KCNE1: variants seen among roughly 807,000 people sequenced by gnomAD.
KCNE1 encodes potassium voltage-gated channel subfamily E member 1.
A neutral mutation model predicts 2.9 loss-of-function variants in KCNE1; 1 was observed. The ratio of observed to expected loss-of-function variants is 0.34; its 90% CI spans 0.12 to 1.62. The LOEUF is 1.62. KCNE1 is among the 40% of genes most tolerant of loss of function. The pLI is 0.36. For synonymous variants in KCNE1, 23 were observed against 65.4 expected (o/e 0.35, Z 3.13); for missense variants, 45 against 150.5 (o/e 0.30, Z 3.67).
intron 2 of KCNE1, among the ~76,000 whole-genome samples, chr21:34,499,685 G>A (rs754481444): frequency 6.6e-6 from 1 of 152,208 alleles, no homozygotes; most frequent in African/African-American, 2.4e-5. Context: ...TCCTTCTCCT[G>A]TAATCTGGAT....
intron 2 of KCNE1, among the ~76,000 whole-genome samples, chr21:34,504,292 A>AAACCT (rs1276239428): frequency 1.3e-5 from 2 of 152,222 alleles, no homozygotes; most frequent in Non-Finnish European, 2.9e-5. Context: ...CTCTCAAACC[A>AAACCT]AACCTAATAG....
At position 34,511,189 on chromosome 21, in the gene KCNE1, T is replaced by G. The variant is rs1357674373; in HGVS notation, c.-250A>C. 5 of 985,646 alleles carry G rather than the reference T, an allele frequency of 5.1e-6. No homozygotes were observed. Among genetic ancestry groups the G allele is most frequent in the Non-Finnish European group, 6.0e-6 (5 of 830,196 alleles). The allele number at this position is 985,646 out of a possible 1,614,324, so 61.1% of individuals were successfully genotyped here. ...CTTCTCTTCAGGTGGTCTTAGGAAC[T>G]TCTCAGAACTTTTTGAGTTATCCTT... On this transcript the variant is annotated 5_prime_UTR_variant, in exon 2 of 4. Transcript: ENST00000399286.
chr21:34,495,460 A>G (rs1470888650), intron 2 of KCNE1, among the ~76,000 whole-genome samples: 1 of 48,260 alleles, frequency 2.1e-5, no homozygotes, highest in Non-Finnish European at 4.1e-5. Context: ...ATTGGTACCA[A>G]TTCTTTGAAT....
At chr21:34,507,141 G>A (rs1983541927) in intron 2 of KCNE1, among the ~76,000 whole-genome samples, 1 of 152,226 alleles carries the variant, frequency 6.6e-6, no homozygotes, top group South Asian at 2.1e-4. Flanking sequence ...CGCTCTGACA[G>A]TAGCGTAGAG....
intron 2 of KCNE1, among the ~76,000 whole-genome samples, chr21:34,508,341 A>G (rs1342013906): frequency 1.3e-5 from 2 of 150,318 alleles, no homozygotes; most frequent in African/African-American, 2.5e-5. Context: ...TTTATATTTT[A>G]TTTTATTTAT....
intron 2 of KCNE1, among the ~76,000 whole-genome samples, chr21:34,503,319 G>A (rs1436515406): frequency 6.6e-6 from 1 of 152,170 alleles, no homozygotes; most frequent in East Asian, 1.9e-4. Flanking sequence ...CAGCTGAAAG[G>A]GAGGCACAGG....
At position 34,449,085 on chromosome 21, in the gene KCNE1, T is replaced by C. The variant is rs191019553; in HGVS notation, c.*160A>G. 1.2e-4 allele frequency: 51 copies of C among 429,694 alleles called. 9 individuals are homozygous for C. Among genetic ancestry groups the C allele is most frequent in the African/African-American group, 1.0e-3 (47 of 45,458 alleles). The allele number at this position is 429,694 out of a possible 1,614,324, so 26.6% of individuals were successfully genotyped here. On this transcript the variant is annotated 3_prime_UTR_variant, in exon 4 of 4. Coordinates refer to ENST00000399286, the MANE Select transcript of KCNE1 (RefSeq NM_000219.6). ...AGTCTATCACAAAAGAACGTGATTT[T>C]AGAGAAACAGTGAAACAGTGTCATT...
chr21:34,501,952 AGGTGGGCTTTGAACTT>A (rs1983194979), intron 2 of KCNE1, among the ~76,000 whole-genome samples: 1 of 152,228 alleles, frequency 6.6e-6, no homozygotes, highest in South Asian at 2.1e-4. Context: ...CTAGACTCCA[AGGTGGGCTTTGAACTT>A]GGTGTTGTCA....
intron 2 of KCNE1, among the ~76,000 whole-genome samples, chr21:34,507,845 C>T (rs1002757078): frequency 6.6e-6 from 1 of 152,172 alleles, no homozygotes; most frequent in African/African-American, 2.4e-5. Context: ...GCATGCATAA[C>T]GACACCACTA....
intron 2 of KCNE1, among the ~76,000 whole-genome samples, chr21:34,504,885 G>C (rs1191233823): frequency 6.6e-6 from 1 of 152,184 alleles, no homozygotes; most frequent in African/African-American, 2.4e-5. Flanking sequence ...TGGGAACTTA[G>C]GGCTCAGCTT....
intron 2 of KCNE1, among the ~76,000 whole-genome samples, chr21:34,497,306 T>A (rs541160006): frequency 6.6e-6 from 1 of 152,332 alleles, no homozygotes; most frequent in South Asian, 2.1e-4. Context: ...GGAAGTTCTA[T>A]CTTGGTGTAT....
intron 2 of KCNE1, among the ~76,000 whole-genome samples, chr21:34,508,945 C>A (rs901730557): frequency 2.6e-5 from 4 of 152,220 alleles, no homozygotes; most frequent in Non-Finnish European, 4.4e-5. Flanking sequence ...AGTGTGATAA[C>A]AAACCACCTA....
At chr21:34,495,559 T>G (rs989071251) in intron 2 of KCNE1, among the ~76,000 whole-genome samples, 39 of 120,044 alleles carry the variant, frequency 3.2e-4, no homozygotes, top group Non-Finnish European at 6.9e-5. Context: ...TCTTGCTACT[T>G]GTTATTGGTC....
intron 2 of KCNE1, among the ~76,000 whole-genome samples, chr21:34,500,648 A>G (rs188149502): frequency 5.3e-5 from 8 of 152,316 alleles, no homozygotes; most frequent in Non-Finnish European, 1.0e-4. Context: ...TTTTTGGCTT[A>G]TCTTTCCAGT....
chr21:34,511,075 G>C, intron 2 of KCNE1, 26 bp downstream of exon 2: 1 of 910,000 alleles, frequency 1.1e-6, no homozygotes, highest in South Asian at 5.1e-5. Context: ...ACTGAGGAAA[G>C]GGTCTGTGCA....
chr21:34,500,585 C>A (rs905468529), intron 2 of KCNE1, among the ~76,000 whole-genome samples: 1 of 152,164 alleles, frequency 6.6e-6, no homozygotes, highest in Admixed American at 6.5e-5. Context: ...TTCTTCCAGC[C>A]CTATCCCTCT....
At chr21:34,501,164 T>A (rs540290048) in intron 2 of KCNE1, among the ~76,000 whole-genome samples, 2 of 152,340 alleles carry the variant, frequency 1.3e-5, no homozygotes, top group East Asian at 3.9e-4. Flanking sequence ...ATAAAAGAGC[T>A]GACCATTGGA....
chr21:34,510,620 C>G (rs984008698), intron 2 of KCNE1: 1 of 152,790 alleles, frequency 6.5e-6, no homozygotes, highest in African/African-American at 2.4e-5. Context: ...AAAGCTTCAG[C>G]CTCTACCTGG....
chr21:34,500,533 G>C (rs1983101566), intron 2 of KCNE1, among the ~76,000 whole-genome samples: 2 of 152,084 alleles, frequency 1.3e-5, no homozygotes, highest in Admixed American at 1.3e-4. Context: ...ACACTTACAT[G>C]GTTCAAAAGT....
Sources: allele counts gnomAD v4.1 joint callset (sites outside exome capture counted in the v4.1 genomes callset), GRCh38; gene constraint gnomAD v4.1.1; transcripts MANE v1.5; gene names NCBI Gene and HGNC (gene_info 2026-07-23, HGNC 2026-07-21).